UNC5A: variants seen among roughly 807,000 people sequenced by gnomAD.
UNC5A encodes netrin receptor UNC5A.
UNC5A carries 20 observed loss-of-function variants against 87.4 expected under a neutral mutation model. The observed-to-expected ratio is 0.23, with a 90% confidence interval of 0.16 to 0.33. The LOEUF (loss-of-function observed/expected upper bound fraction) is 0.33. Ranked by LOEUF, UNC5A falls within the 10% of genes least tolerant of loss-of-function variation. The pLI is 1.00. For missense variants in UNC5A, 844 were observed against 1,133.4 expected (o/e 0.74, Z 3.67); for synonymous variants, 438 against 482.3 (o/e 0.91, Z 1.20).
intron 1 of UNC5A, 46 bp from the exon 2 acceptor site, chr5:176,862,578 G>T: frequency 1.3e-6 from 2 of 1,577,232 alleles, no homozygotes; most frequent in Non-Finnish European, 8.7e-7. Context: ...CCTCTACCCT[G>T]CCCAGTCTGG....
At chr5:176,857,023 C>T (rs1561658027) in intron 1 of UNC5A, among the ~76,000 whole-genome samples, 1 of 152,236 alleles carries the variant, frequency 6.6e-6, no homozygotes, top group Non-Finnish European at 1.5e-5. Context: ...TTCCCTTTTC[C>T]AAGCACACTC....
At position 176,822,039 on chromosome 5, in the gene UNC5A, G is replaced by T. The variant is rs890260323; in HGVS notation, c.70+11219G>T. ...GGGCTCTGATGTGGATTAGAATCCT[G>T]AACTGGGTGAACTTGGGCAGGTTAT... is the stretch of plus-strand genomic sequence containing the variant. On this transcript the variant is annotated intron_variant, in intron 1 of 14. Coordinates refer to ENST00000329542, the MANE Select transcript of UNC5A (RefSeq NM_133369.3). 3.3e-5 allele frequency among the ~76,000 whole-genome samples: 5 copies of T among 152,264 alleles called. No individual in the cohort carries two copies. The East Asian group carries it at 9.6e-4, about 29-fold the overall frequency.
chr5:176,868,093 C>T (rs1339668693), intron 2 of UNC5A, 37 bp from the exon 3 acceptor site: 4 of 1,602,556 alleles, frequency 2.5e-6, no homozygotes, highest in South Asian at 1.1e-5. Flanking sequence ...CTCAGGGTGG[C>T]CCTGGGGCTC....
Position 176,862,801 on chromosome 5 carries a change from G to T in UNC5A, c.248G>T (p.Arg83Leu). 1 of 1,613,338 alleles carries T rather than the reference G, an allele frequency of 6.2e-7. No homozygotes were observed. Among genetic ancestry groups the T allele is most frequent in the Non-Finnish European group, 8.5e-7 (1 of 1,179,870 alleles). ...TTCAAGTGCAACGGGGAGTGGGTGC[G>T]CCAGGTGGACCACGTGATCGAGCGC... ...IFFKCNGEWVRQVDHVIERST... is the reference protein window; with the variant it reads ...IFFKCNGEWVLQVDHVIERST... The change falls in exon 2 of 15, where the codon CGC becomes CTC. Residue 83 changes from arginine (R) to leucine (L), a missense_variant. This residue lies in a region of UNC5A where 314 missense variants were observed against 466.5 expected (regional missense o/e 0.67). Transcript: ENST00000329542.
intron 1 of UNC5A, among the ~76,000 whole-genome samples, chr5:176,834,368 G>A (rs532556090): frequency 1.1e-4 from 16 of 152,208 alleles, no homozygotes; most frequent in African/African-American, 3.4e-4. Context: ...CTGTCTTCCC[G>A]GGATTACTTC....
At position 176,841,016 on chromosome 5, in the gene UNC5A, G is replaced by A. The variant is rs111958553; in HGVS notation, c.71-21608G>A. On this transcript the variant is annotated intron_variant, in intron 1 of 14. Transcript: ENST00000329542. This position sits in a 1 kb window ranked among gnomAD's most constrained non-coding sequence, Gnocchi z 4.1. ...TGGAAAACCATCCACCTCCTTCACC[G>A]GAGAAGGGGGATGAACCACTCCGCG... Among the ~76,000 whole-genome samples the A allele has an allele frequency of 0.011, 1,750 of 152,342 alleles. 31 individuals carry two copies. The highest frequency in any genetic ancestry group is 0.04 in the African/African-American group (1,644 of 41,566).
intron 1 of UNC5A, among the ~76,000 whole-genome samples, chr5:176,853,974 T>C (rs1241595613): frequency 6.6e-6 from 1 of 152,202 alleles, no homozygotes; most frequent in Non-Finnish European, 1.5e-5. Flanking sequence ...AATGAGGCTC[T>C]AGAAATAGGC....
chr5:176,860,629 G>A (rs142092507), intron 1 of UNC5A, among the ~76,000 whole-genome samples: 2,852 of 151,916 alleles, frequency 0.019, 45 homozygotes, highest in South Asian at 0.045. Flanking sequence ...CAGGTTCCCC[G>A]TCAATAAGGT....
At chr5:176,858,927 A>G (rs1044842813) in intron 1 of UNC5A, among the ~76,000 whole-genome samples, 1 of 152,210 alleles carries the variant, frequency 6.6e-6, no homozygotes, top group Admixed American at 6.5e-5. Context: ...AGGGGGGGAC[A>G]GACAGATCTC....
rs957256195 is a variant in UNC5A, at chr5:176,869,072, C to T, written c.721+108C>T. Reference sequence around the variant, plus strand: ...GGCCATGAGGCCAAAGCCAGGTGGACCAGATCGTGCCTGACTAGGCAGGAT... The same window carrying T: ...GGCCATGAGGCCAAAGCCAGGTGGATCAGATCGTGCCTGACTAGGCAGGAT... On this transcript the variant is annotated intron_variant, in intron 5 of 14. Transcript: ENST00000329542. The surrounding 1 kb of genome is among the most constrained non-coding windows in gnomAD (Gnocchi z 9.1). The T allele has an allele frequency of 8.8e-6, 11 of 1,252,894 alleles. No individual in the cohort carries two copies. The highest frequency in any genetic ancestry group is 2.6e-5 in the Admixed American group (1 of 38,352). 77.6% of individuals were successfully genotyped at this position (1,252,894 alleles called of 1,614,324 possible). A position where few individuals can be genotyped will look rare whatever the true frequency, so the allele number is the denominator to read the frequency against.
chr5:176,865,516 C>T lies in UNC5A; in HGVS notation c.293-2614C>T. 2.2e-6 allele frequency: 1 copy of T among 448,016 alleles called. No individual in the cohort carries two copies. The highest frequency in any genetic ancestry group is 2.4e-5 in the Admixed American group (1 of 41,966). The allele number at this position is 448,016 out of a possible 1,614,324, so 27.8% of individuals were successfully genotyped here. On this transcript the variant is annotated intron_variant, in intron 2 of 14. Coordinates refer to ENST00000329542, the MANE Select transcript of UNC5A (RefSeq NM_133369.3). This position sits in a 1 kb window ranked among gnomAD's most constrained non-coding sequence, Gnocchi z 5.3. The stretch of plus-strand genomic sequence containing the variant: ...CGTCCCACCCGTAACCGCCAGGGTC[C>T]TCTTCTGCCCCGAGCATCCGACTCC...
chr5:176,811,734 TGTG>T (rs1343156049), intron 1 of UNC5A, among the ~76,000 whole-genome samples: 1 of 151,844 alleles, frequency 6.6e-6, no homozygotes, highest in East Asian at 1.9e-4. Context: ...CGTATGTGTC[TGTG>T]GTGGTGGGGG....
rs1343467110 is a variant in UNC5A, at chr5:176,824,057, G to T, written c.70+13237G>T. Among the ~76,000 whole-genome samples the T allele has an allele frequency of 6.6e-6, 1 of 152,238 alleles. No individual in the cohort carries two copies. Among genetic ancestry groups the T allele is most frequent in the Non-Finnish European group, 1.5e-5 (1 of 68,042 alleles). ...ATGGTCCCGGAGATCCTGGGCACAT[G>T]ATTGGGCCAGGCTGGCCACATGGCC... On this transcript the variant is annotated intron_variant, in intron 1 of 14. Transcript: ENST00000329542. This position sits in a 1 kb window ranked among gnomAD's most constrained non-coding sequence, Gnocchi z 4.2.
At chr5:176,827,949 A>G (rs887272413) in intron 1 of UNC5A, among the ~76,000 whole-genome samples, 16 of 151,960 alleles carry the variant, frequency 1.1e-4, no homozygotes, top group African/African-American at 3.9e-4. Context: ...ACCGGAGAGG[A>G]GACCAAGCAG....
intron 6 of UNC5A, 22 bp downstream of exon 6, chr5:176,870,556 G>A: frequency 6.4e-7 from 1 of 1,553,768 alleles, no homozygotes; most frequent in Non-Finnish European, 8.7e-7. Flanking sequence ...CTGCCCTGAG[G>A]TCCTCTTCTG....
intron 1 of UNC5A, among the ~76,000 whole-genome samples, chr5:176,833,602 G>C (rs567706531): frequency 8.5e-5 from 13 of 152,288 alleles, no homozygotes; most frequent in African/African-American, 3.1e-4. Context: ...GCACCTGCAG[G>C]ACCCCAGCTT....
intron 1 of UNC5A, among the ~76,000 whole-genome samples, chr5:176,856,545 C>T (rs1032920990): frequency 6.6e-6 from 1 of 152,194 alleles, no homozygotes; most frequent in African/African-American, 2.4e-5. Context: ...AGGGAAGTGG[C>T]GTACAAACTC....
chr5:176,870,278 G>T, intron 5 of UNC5A, 92 bp from the exon 6 acceptor site: 1 of 1,508,810 alleles, frequency 6.6e-7, no homozygotes, highest in South Asian at 1.3e-5. Flanking sequence ...GCACTGCCTG[G>T]TCTGGTTGCC....
chr5:176,873,929 A>G, intron 6 of UNC5A, 39 bp from the exon 7 acceptor site: 1 of 1,596,440 alleles, frequency 6.3e-7, no homozygotes, highest in South Asian at 1.1e-5. Flanking sequence ...CCAGACTCCT[A>G]CACCCCTGCC....
Sources: allele counts gnomAD v4.1 joint callset (sites outside exome capture counted in the v4.1 genomes callset), GRCh38; gene constraint gnomAD v4.1.1; regional missense constraint gnomAD v4.1.1; non-coding constraint Gnocchi (gnomAD v3.1); transcripts MANE v1.5; gene names NCBI Gene and HGNC (gene_info 2026-07-23, HGNC 2026-07-21).